The following NELL1 variants were observed in gnomAD, a reference collection of about 807,000 sequenced individuals.
NELL1 encodes neural EGFL like 1, also known as protein kinase C-binding protein NELL1.
In NELL1, 76 loss-of-function variants were observed where a neutral mutation model predicts 107.4. The ratio of observed to expected loss-of-function variants is 0.71; its 90% CI spans 0.59 to 0.86. The LOEUF is 0.86. NELL1 is among the 40% of genes least tolerant of loss of function. NELL1 has a pLI of 0.00. For missense variants in NELL1, 1,024 were observed against 1,005.5 expected (o/e 1.02, Z -0.25); for synonymous variants, 353 against 341.2 (o/e 1.03, Z -0.38).
At chr11:21,194,500 A>G (rs1275974612) in intron 13 of NELL1, among the ~76,000 whole-genome samples, 1 of 152,110 alleles carries the variant, frequency 6.6e-6, no homozygotes, top group Non-Finnish European at 1.5e-5. Flanking sequence ...AGGGCTGGGC[A>G]TTGGTTCATT....
chr11:21,533,903 A>T (rs1856060618), intron 15 of NELL1, among the ~76,000 whole-genome samples: 1 of 152,180 alleles, frequency 6.6e-6, no homozygotes, highest in Non-Finnish European at 1.5e-5. Flanking sequence ...ACATATAATT[A>T]TGACAAGTCT....
At chr11:21,085,345 T>G (rs1214277903) in intron 12 of NELL1, among the ~76,000 whole-genome samples, 1 of 152,178 alleles carries the variant, frequency 6.6e-6, no homozygotes, top group Non-Finnish European at 1.5e-5. Context: ...GGTCAAAGTT[T>G]ATTTTAGTCT....
chr11:21,483,036 G>T (rs1489166686), intron 15 of NELL1, among the ~76,000 whole-genome samples: 1 of 151,606 alleles, frequency 6.6e-6, no homozygotes, highest in Non-Finnish European at 1.5e-5. Flanking sequence ...CGCCCAGGCT[G>T]GAGTGCGGTG....
At chr11:20,756,502 G>A (rs1315866744) in intron 2 of NELL1, among the ~76,000 whole-genome samples, 1 of 149,676 alleles carries the variant, frequency 6.7e-6, no homozygotes, top group Non-Finnish European at 1.5e-5. Flanking sequence ...ATGGCGCCGG[G>A]CTAATTTTTT....
intron 15 of NELL1, among the ~76,000 whole-genome samples, chr11:21,390,914 C>T (rs1303820639): frequency 6.6e-6 from 1 of 151,694 alleles, no homozygotes; most frequent in East Asian, 2.0e-4. Context: ...ACAACTGTTT[C>T]CATGAGGTTT....
chr11:21,552,646 G>T (rs1227927841), intron 16 of NELL1, among the ~76,000 whole-genome samples: 3 of 151,824 alleles, frequency 2.0e-5, no homozygotes, highest in African/African-American at 7.2e-5. Context: ...TTCAAATTAG[G>T]GGGCAGCCCC....
chr11:20,852,904 G>T (rs1848817982), intron 4 of NELL1, among the ~76,000 whole-genome samples: 1 of 152,220 alleles, frequency 6.6e-6, no homozygotes, highest in South Asian at 2.1e-4. Flanking sequence ...CAAGGTAAGA[G>T]ATGTGGTAAG....
intron 2 of NELL1, among the ~76,000 whole-genome samples, chr11:20,744,899 C>T (rs966238492): frequency 2.0e-5 from 3 of 152,026 alleles, no homozygotes; most frequent in Non-Finnish European, 4.4e-5. Flanking sequence ...GTTCCCTCTG[C>T]CTGGAATACA....
intron 14 of NELL1, among the ~76,000 whole-genome samples, chr11:21,332,397 G>C (rs1377747616): frequency 6.6e-6 from 1 of 151,916 alleles, no homozygotes; most frequent in Non-Finnish European, 1.5e-5. Flanking sequence ...GTTTAGAGTT[G>C]CTTATCCTAT....
At position 20,985,115 on chromosome 11, in the gene NELL1, A is replaced by G. The variant is rs190744146; in HGVS notation, c.1300+24555A>G. Among the ~76,000 whole-genome samples the G allele has an allele frequency of 6.2e-3, 945 of 152,242 alleles. 12 individuals carry two copies. Among genetic ancestry groups the G allele is most frequent in the African/African-American group, 0.021 (881 of 41,548 alleles). On this transcript the variant is annotated intron_variant, in intron 12 of 19. Transcript: ENST00000357134. ...GTCAAGTTAATTTACCTGTTGTTAG[A>G]TATATCTCGCCTCATTTCCTAGAAT... is the stretch of plus-strand genomic sequence containing the variant.
At chr11:20,935,423 G>A (rs1737318060) in intron 9 of NELL1, among the ~76,000 whole-genome samples, 1 of 152,092 alleles carries the variant, frequency 6.6e-6, no homozygotes, top group Non-Finnish European at 1.5e-5. Context: ...GTATATGTAA[G>A]GCCCGGAAGT....
In NELL1 at chr11:20,814,286, A is replaced by G. The variant is rs538217321; in HGVS notation, c.335+30456A>G. ...TGGGATTACAGGCGTGAGCCACCACACCCAGCCTAAAATTTCAACATTTAT... is the reference window on the plus strand; with the variant it reads ...TGGGATTACAGGCGTGAGCCACCACGCCCAGCCTAAAATTTCAACATTTAT... On this transcript the variant is annotated intron_variant, in intron 3 of 19. Coordinates refer to ENST00000357134, the MANE Select transcript of NELL1 (RefSeq NM_006157.5). Among the ~76,000 whole-genome samples, 296 of 152,188 alleles carry G rather than the reference A, an allele frequency of 1.9e-3. 1 individual carries two copies. Among genetic ancestry groups the G allele is most frequent in the African/African-American group, 6.2e-3 (258 of 41,526 alleles).
intron 13 of NELL1, among the ~76,000 whole-genome samples, chr11:21,205,924 C>A (rs1256002343): frequency 2.0e-5 from 3 of 152,060 alleles, no homozygotes; most frequent in African/African-American, 7.2e-5. Context: ...TCATTATGGA[C>A]ATATATGCCC....
intron 13 of NELL1, among the ~76,000 whole-genome samples, chr11:21,118,744 C>T (rs1855294735): frequency 6.6e-6 from 1 of 152,042 alleles, no homozygotes; most frequent in African/African-American, 2.4e-5. Flanking sequence ...TCAGTACCTG[C>T]TGACGCTGTT....
chr11:21,320,646 T>C (rs1235084751), intron 14 of NELL1, among the ~76,000 whole-genome samples: 1 of 152,154 alleles, frequency 6.6e-6, no homozygotes, highest in Non-Finnish European at 1.5e-5. Context: ...AGGCTCTTAA[T>C]TGCTCTCTTA....
intron 3 of NELL1, among the ~76,000 whole-genome samples, chr11:20,845,727 T>C (rs1328027191): frequency 6.6e-6 from 1 of 152,186 alleles, no homozygotes; most frequent in Non-Finnish European, 1.5e-5. Context: ...ATGACAATCA[T>C]TCATTAAATG....
At chr11:21,323,096 A>G (rs1203411251) in intron 14 of NELL1, among the ~76,000 whole-genome samples, 1 of 152,160 alleles carries the variant, frequency 6.6e-6, no homozygotes. Context: ...ATAATCACCC[A>G]TATTCGTCTG....
intron 15 of NELL1, among the ~76,000 whole-genome samples, chr11:21,526,987 A>T (rs1334806992): frequency 1.3e-5 from 2 of 152,078 alleles, no homozygotes; most frequent in African/African-American, 4.8e-5. Context: ...GCCTGCTTGA[A>T]TTTCTTCCCA....
chr11:21,095,383 G>C (rs751443541), intron 12 of NELL1, among the ~76,000 whole-genome samples: 1 of 152,056 alleles, frequency 6.6e-6, no homozygotes, highest in African/African-American at 2.4e-5. Flanking sequence ...TCCACCCTCT[G>C]CCTGTAACCC....
Sources: allele counts gnomAD v4.1 joint callset (sites outside exome capture counted in the v4.1 genomes callset), GRCh38; gene constraint gnomAD v4.1.1; transcripts MANE v1.5; gene names NCBI Gene and HGNC (gene_info 2026-07-23, HGNC 2026-07-21).